DOCK3: variants seen among roughly 807,000 people sequenced by gnomAD.
DOCK3 encodes dedicator of cytokinesis 3, also known as dedicator of cytokinesis protein 3.
In DOCK3, 60 loss-of-function variants were observed where a neutral mutation model predicts 265.6. That is an observed-to-expected ratio of 0.23 (90% CI 0.18 to 0.28). The LOEUF is 0.28. Ranked by LOEUF, DOCK3 falls within the 10% of genes least tolerant of loss-of-function variation. DOCK3 has a pLI of 1.00. For synonymous variants in DOCK3, 881 were observed against 938.0 expected (o/e 0.94, Z 1.11); for missense variants, 1,981 against 2,594.3 (o/e 0.76, Z 5.14).
intron 4 of DOCK3, among the ~76,000 whole-genome samples, chr3:50,917,139 CT>C (rs965734825): frequency 9.2e-5 from 14 of 152,090 alleles, no homozygotes; most frequent in African/African-American, 3.1e-4. Flanking sequence ...CTATGATTTT[CT>C]TTTCTTGTCA....
intron 5 of DOCK3, among the ~76,000 whole-genome samples, chr3:50,936,085 G>C (rs917845259): frequency 1.3e-5 from 2 of 151,826 alleles, no homozygotes; most frequent in Non-Finnish European, 2.9e-5. Flanking sequence ...AAACATAGAC[G>C]ACCTTAGGAA....
chr3:51,336,316 G>A (rs1385761964), intron 35 of DOCK3, among the ~76,000 whole-genome samples: 6 of 151,840 alleles, frequency 4.0e-5, no homozygotes, highest in Non-Finnish European at 7.4e-5. Flanking sequence ...AGGTTAGGAA[G>A]CAGAGCCCTA....
intron 4 of DOCK3, among the ~76,000 whole-genome samples, chr3:50,928,391 A>G (rs2050883587): frequency 6.6e-6 from 1 of 152,156 alleles, no homozygotes; most frequent in South Asian, 2.1e-4. Flanking sequence ...TATAAATGGA[A>G]TAATGACATT....
At chr3:50,831,225 A>T (rs898142390) in intron 2 of DOCK3, among the ~76,000 whole-genome samples, 1 of 106,476 alleles carries the variant, frequency 9.4e-6, no homozygotes, top group African/African-American at 3.3e-5. Flanking sequence ...TTATTTATTT[A>T]TTTTTAATTT....
intron 3 of DOCK3, among the ~76,000 whole-genome samples, chr3:50,856,963 A>T (rs2046630784): frequency 6.6e-6 from 1 of 152,064 alleles, no homozygotes; most frequent in Non-Finnish European, 1.5e-5. Flanking sequence ...AAACAAATTT[A>T]TGTTAACCAC....
At chr3:51,138,763 T>C (rs2084919145) in intron 9 of DOCK3, among the ~76,000 whole-genome samples, 2 of 152,176 alleles carry the variant, frequency 1.3e-5, no homozygotes. Flanking sequence ...TTCCGAAGAA[T>C]AGTACAGAAG....
Position 50,805,332 on chromosome 3 carries a change from G to T in DOCK3, c.121+26574G>T, listed in dbSNP as rs1430212573. The stretch of plus-strand genomic sequence containing the variant: ...TGATGATGGTACAGGTTTTCCAGGG[G>T]TGGGCTTGCTGGGGCTGTTTCTCTG... On this transcript the variant is annotated intron_variant, in intron 2 of 52. Coordinates refer to ENST00000266037, the MANE Select transcript of DOCK3 (RefSeq NM_004947.5). Among the ~76,000 whole-genome samples the T allele has an allele frequency of 4.6e-5, 7 of 152,298 alleles. No individual in the cohort carries two copies. In the East Asian group the frequency reaches 9.6e-4, roughly 21 times the overall value.
chr3:50,970,702 A>C (rs1253628587), intron 5 of DOCK3, among the ~76,000 whole-genome samples: 1 of 144,310 alleles, frequency 6.9e-6, no homozygotes, highest in Non-Finnish European at 1.5e-5. Flanking sequence ...GTTGGTTTTC[A>C]ACTTTTTCTT....
At chr3:50,734,602 G>GTTGT (rs2038448154) in intron 1 of DOCK3, among the ~76,000 whole-genome samples, 1 of 107,372 alleles carries the variant, frequency 9.3e-6, no homozygotes, top group African/African-American at 3.7e-5. Flanking sequence ...TTTACAGTGA[G>GTTGT]TTTTTTTTTT....
intron 1 of DOCK3, among the ~76,000 whole-genome samples, chr3:50,731,278 A>AT (rs2038193907): frequency 6.6e-6 from 1 of 152,236 alleles, no homozygotes. Context: ...ACAACTCAGG[A>AT]GTAAATCAGG....
At chr3:51,196,102 A>ATTTTTT (rs34862284) in intron 12 of DOCK3, among the ~76,000 whole-genome samples, 91 of 142,544 alleles carry the variant, frequency 6.4e-4, no homozygotes, top group African/African-American at 2.3e-3. Context: ...CGCCCAGCTA[A>ATTTTTT]TTTTTTTTTT....
At chr3:51,194,082 A>G (rs567055810) in intron 12 of DOCK3, among the ~76,000 whole-genome samples, 32 of 151,954 alleles carry the variant, frequency 2.1e-4, no homozygotes, top group African/African-American at 6.0e-4. Flanking sequence ...ACTATGTCCT[A>G]CAGGTTTGGT....
At chr3:51,135,005 C>G (rs1367685713) in intron 9 of DOCK3, among the ~76,000 whole-genome samples, 2 of 152,156 alleles carry the variant, frequency 1.3e-5, no homozygotes, top group African/African-American at 4.8e-5. Context: ...CGCAAAAAAA[C>G]ACTCACTCAG....
chr3:50,805,782 T>G (rs570868512), intron 2 of DOCK3, among the ~76,000 whole-genome samples: 1 of 152,298 alleles, frequency 6.6e-6, no homozygotes, highest in South Asian at 2.1e-4. Context: ...CTGCTCAGCT[T>G]TCCTGGGTGC....
chr3:50,786,749 G>A (rs937166878), intron 2 of DOCK3: 7 of 732,548 alleles, frequency 9.6e-6, no homozygotes, highest in African/African-American at 1.7e-5. Flanking sequence ...ATACTGCTTC[G>A]TGTTGAAATC....
At chr3:50,688,699 G>A (rs2035011321) in intron 1 of DOCK3, among the ~76,000 whole-genome samples, 1 of 152,148 alleles carries the variant, frequency 6.6e-6, no homozygotes, top group Non-Finnish European at 1.5e-5. Context: ...CTGACCTCAG[G>A]TGATCCCACC....
intron 5 of DOCK3, among the ~76,000 whole-genome samples, chr3:50,990,049 A>C (rs1488518753): frequency 1.3e-5 from 2 of 152,176 alleles, no homozygotes; most frequent in African/African-American, 2.4e-5. Context: ...GCTGAGGAAA[A>C]AATCTTGGAA....
At chr3:50,825,072 TA>T (rs930158536) in intron 2 of DOCK3, among the ~76,000 whole-genome samples, 3 of 152,194 alleles carry the variant, frequency 2.0e-5, no homozygotes, top group African/African-American at 7.2e-5. Context: ...TGGGCTTTTA[TA>T]AAAAATATTT....
Position 50,764,031 on chromosome 3 carries a change from G to A in DOCK3, c.38-14644G>A, listed in dbSNP as rs916916775. The stretch of plus-strand genomic sequence containing the variant: ...TCACTATTTGTAGGTGGCTTTCCTC[G>A]TACGACTAGCTAATGACCTACTCAG... On this transcript the variant is annotated intron_variant, in intron 1 of 52. Transcript: ENST00000266037. 2.0e-5 allele frequency among the ~76,000 whole-genome samples: 3 copies of A among 152,234 alleles called. 1 individual carries two copies. Among genetic ancestry groups the A allele is most frequent in the Non-Finnish European group, 1.5e-5 (1 of 68,020 alleles).
Sources: allele counts gnomAD v4.1 joint callset (sites outside exome capture counted in the v4.1 genomes callset), GRCh38; gene constraint gnomAD v4.1.1; transcripts MANE v1.5; gene names NCBI Gene and HGNC (gene_info 2026-07-23, HGNC 2026-07-21).